Variants in GLIPR1L1 observed in about 807,000 individuals in gnomAD.
GLIPR1L1 encodes GLIPR1 like 1, also known as GLIPR1-like protein 1.
In GLIPR1L1, 26 loss-of-function variants were observed where a neutral mutation model predicts 29.9. The observed-to-expected ratio is 0.87, with a 90% confidence interval of 0.64 to 1.21. The LOEUF is 1.21. GLIPR1L1 is among the 50% of genes most tolerant of loss of function. The pLI, the probability that GLIPR1L1 is intolerant of heterozygous loss-of-function variation, is 0.00. For missense variants in GLIPR1L1, 305 were observed against 290.3 expected, an observed-to-expected ratio of 1.05 and a Z score of -0.37; for synonymous variants, 77 against 97.5, an observed-to-expected ratio of 0.79 and a Z score of 1.24.
At chr12:75,341,111 CT>C (rs1291491223) in intron 1 of GLIPR1L1, among the ~76,000 whole-genome samples, 1 of 151,596 alleles carries the variant, frequency 6.6e-6, no homozygotes, top group African/African-American at 2.4e-5. Context: ...TTTCCTTTTT[CT>C]TTTTTCCTAG....
chr12:75,358,381 C>T (rs909438924), intron 3 of GLIPR1L1, among the ~76,000 whole-genome samples: 3 of 151,788 alleles, frequency 2.0e-5, no homozygotes, highest in Non-Finnish European at 4.4e-5. Flanking sequence ...TACACTTTAT[C>T]TAAGAGGGGT....
At chr12:75,358,913 T>C (rs2043352800) in intron 3 of GLIPR1L1, among the ~76,000 whole-genome samples, 1 of 145,232 alleles carries the variant, frequency 6.9e-6, no homozygotes, top group Non-Finnish European at 1.5e-5. Flanking sequence ...TATATTATAT[T>C]AGTACAGACT....
At chr12:75,369,728 C>T (rs1178146388) in intron 4 of GLIPR1L1, 6 of 985,090 alleles carry the variant, frequency 6.1e-6, no homozygotes, top group Non-Finnish European at 7.2e-6. Flanking sequence ...ACTTTTGTGC[C>T]TTCAACACTC....
chr12:75,354,166 A>AGCG (rs2042992648), intron 3 of GLIPR1L1, among the ~76,000 whole-genome samples: 2 of 122,834 alleles, frequency 1.6e-5, no homozygotes, highest in African/African-American at 6.7e-5. Flanking sequence ...GAGAAAAAAA[A>AGCG]GGGGGGGGGG....
At chr12:75,346,450 G>A (rs2042453876) in intron 2 of GLIPR1L1, among the ~76,000 whole-genome samples, 3 of 152,016 alleles carry the variant, frequency 2.0e-5, no homozygotes, top group Admixed American at 2.0e-4. Flanking sequence ...GAGTACAGTG[G>A]CGTGATCTCA....
At chr12:75,344,091 C>T (rs979836442) in intron 2 of GLIPR1L1, among the ~76,000 whole-genome samples, 153 bp downstream of exon 2, 21 of 151,954 alleles carry the variant, frequency 1.4e-4, no homozygotes, top group African/African-American at 4.4e-4. Context: ...TAATAATATA[C>T]CAAAGTTTTC....
intron 3 of GLIPR1L1, among the ~76,000 whole-genome samples, chr12:75,353,083 G>A (rs923004661): frequency 3.3e-5 from 5 of 151,902 alleles, no homozygotes; most frequent in Admixed American, 6.6e-5. Flanking sequence ...ATAACTAAAG[G>A]AACTAGAGAA....
At chr12:75,366,270 T>C (rs915375839) in intron 4 of GLIPR1L1, among the ~76,000 whole-genome samples, 3 of 152,064 alleles carry the variant, frequency 2.0e-5, no homozygotes, top group African/African-American at 7.2e-5. Flanking sequence ...ACTTAAGCCA[T>C]AAGATATTAA....
In GLIPR1L1 at chr12:75,369,965, C is replaced by T; in HGVS notation, c.616C>T (p.Pro206Ser). The T allele has an allele frequency of 9.1e-7, 1 of 1,095,022 alleles. No individual in the cohort carries two copies. The highest frequency in any genetic ancestry group is 1.3e-6 in the Non-Finnish European group (1 of 770,110). 67.8% of individuals were successfully genotyped at this position (1,095,022 alleles called of 1,614,324 possible). ...AACTTTAATTTTTACTTTAGGGACT[C>T]CACAACTTATTATACCTAACCGTAT... ...EKCVKNLCRTPQLIIPNQNPF... is the reference protein window; with the variant it reads ...EKCVKNLCRTSQLIIPNQNPF... Residue 206 changes from proline (P) to serine (S), a missense_variant, in exon 5 of 6, where the codon CCA (proline) becomes TCA (serine). Coordinates refer to ENST00000378695, the MANE Select transcript of GLIPR1L1 (RefSeq NM_001304964.2).
At chr12:75,351,179 A>G (rs1345878897) in intron 3 of GLIPR1L1, among the ~76,000 whole-genome samples, 1 of 152,228 alleles carries the variant, frequency 6.6e-6, no homozygotes, top group Non-Finnish European at 1.5e-5. Flanking sequence ...TGTGAGAACT[A>G]TGAGATTATG....
At chr12:75,347,367 G>C (rs1225183010) in intron 2 of GLIPR1L1, among the ~76,000 whole-genome samples, 2 of 151,878 alleles carry the variant, frequency 1.3e-5, no homozygotes, top group Non-Finnish European at 2.9e-5. Flanking sequence ...TTATGAATTT[G>C]GTTATATATT....
intron 4 of GLIPR1L1, chr12:75,369,450 AAATT>A (rs1386903075): frequency 3.4e-5 from 30 of 891,680 alleles, no homozygotes; most frequent in Non-Finnish European, 3.8e-5. Flanking sequence ...AAGGTCAAAA[AAATT>A]AATTAATTAT....
chr12:75,334,985 T>C (rs117279793), intron 1 of GLIPR1L1, 83 bp downstream of exon 1: 8 of 1,325,606 alleles, frequency 6.0e-6, no homozygotes, highest in East Asian at 2.3e-5. Context: ...ACTTAACTTG[T>C]ACTAATTCAA....
intron 1 of GLIPR1L1, among the ~76,000 whole-genome samples, chr12:75,337,658 CAA>C (rs1485481284): frequency 6.6e-6 from 1 of 151,914 alleles, no homozygotes; most frequent in Non-Finnish European, 1.5e-5. Flanking sequence ...CTACCTACCT[CAA>C]GATTGGAATT....
chr12:75,345,217 T>A (rs1216092139), intron 2 of GLIPR1L1, among the ~76,000 whole-genome samples: 1 of 152,144 alleles, frequency 6.6e-6, no homozygotes, highest in East Asian at 1.9e-4. Flanking sequence ...AGCCATAATC[T>A]AGAAACTGTC....
At chr12:75,369,702 GC>G (rs1462358459) in intron 4 of GLIPR1L1, 3 of 984,852 alleles carry the variant, frequency 3.0e-6, no homozygotes, top group Non-Finnish European at 3.6e-6. Context: ...CTACTTTATA[GC>G]TTTTTCTGGT....
At chr12:75,345,891 G>A (rs2042410147) in intron 2 of GLIPR1L1, among the ~76,000 whole-genome samples, 1 of 152,162 alleles carries the variant, frequency 6.6e-6, no homozygotes, top group Non-Finnish European at 1.5e-5. Context: ...AATCAGAAAG[G>A]GGAGCTTACT....
At chr12:75,344,961 C>T (rs1281347549) in intron 2 of GLIPR1L1, among the ~76,000 whole-genome samples, 3 of 152,126 alleles carry the variant, frequency 2.0e-5, no homozygotes, top group Non-Finnish European at 4.4e-5. Context: ...CAATTTCTGG[C>T]TTTGTGTAAA....
At chr12:75,339,485 A>T (rs1190700471) in intron 1 of GLIPR1L1, among the ~76,000 whole-genome samples, 2 of 151,958 alleles carry the variant, frequency 1.3e-5, no homozygotes, top group East Asian at 3.9e-4. Flanking sequence ...TAGACTCTGG[A>T]TATTAGACCT....
Sources: allele counts gnomAD v4.1 joint callset (sites outside exome capture counted in the v4.1 genomes callset), GRCh38; gene constraint gnomAD v4.1.1; transcripts MANE v1.5; gene names NCBI Gene and HGNC (gene_info 2026-07-23, HGNC 2026-07-21).